TMCC3: variants seen among roughly 807,000 people sequenced by gnomAD.
The protein encoded by TMCC3 is transmembrane and coiled-coil domain protein 3.
Under a neutral mutation model 40.2 loss-of-function variants are expected in TMCC3, and 28 were observed. That is an observed-to-expected ratio of 0.70 (90% confidence interval 0.52 to 0.95). The LOEUF (loss-of-function observed/expected upper bound fraction) is 0.95, where lower values mean the gene tolerates loss of function less well. Ranked by LOEUF, TMCC3 falls within the 40% of genes least tolerant of loss-of-function variation. The pLI, the probability that TMCC3 is intolerant of heterozygous loss-of-function variation, is 0.00. For missense variants in TMCC3, 554 were observed against 615.2 expected, an observed-to-expected ratio of 0.90 and a Z score of 1.05; for synonymous variants, 255 against 248.5, an observed-to-expected ratio of 1.03 and a Z score of -0.25.
In TMCC3 at chr12:94,596,293, T is replaced by C. The variant is rs141939544; in HGVS notation, c.79-13755A>G. 7.7e-4 allele frequency among the ~76,000 whole-genome samples: 118 copies of C among 152,336 alleles called. No homozygotes were observed. In the East Asian group the frequency reaches 0.02, roughly 26 times the overall value. On this transcript the variant is annotated intron_variant, in intron 1 of 3. Coordinates refer to ENST00000261226, the MANE Select transcript of TMCC3 (RefSeq NM_020698.4). ...AAAGGGGGAGGCATCAAATAAGTTA[T>C]GGTGACAGCTAAGAAGACACAGAGC...
At chr12:94,590,579 A>G (rs1256492156) in intron 1 of TMCC3, among the ~76,000 whole-genome samples, 2 of 152,192 alleles carry the variant, frequency 1.3e-5, no homozygotes, top group Non-Finnish European at 2.9e-5. Context: ...AAAGGCAAAC[A>G]GCAGATAAGC....
intron 1 of TMCC3, among the ~76,000 whole-genome samples, chr12:94,635,202 A>C (rs531829457): frequency 2.0e-5 from 3 of 152,362 alleles, no homozygotes; most frequent in African/African-American, 7.2e-5. Context: ...GTGACAAACC[A>C]ACTTAAATTT....
intron 1 of TMCC3, among the ~76,000 whole-genome samples, chr12:94,627,605 G>C (rs968134378): frequency 1.3e-5 from 2 of 152,118 alleles, no homozygotes; most frequent in Non-Finnish European, 2.9e-5. Flanking sequence ...AAACACAACA[G>C]GCACACTGCT....
rs2068502671 is a variant in TMCC3, at chr12:94,567,594, T to C, written c.*3841A>G. 1 of 152,178 alleles carries C rather than the reference T, an allele frequency of 6.6e-6. No individual in the cohort carries two copies. Among genetic ancestry groups the C allele is most frequent in the Non-Finnish European group, 1.5e-5 (1 of 68,026 alleles). 9.4% of individuals were successfully genotyped at this position (152,178 alleles called of 1,614,324 possible). A position where few individuals can be genotyped will look rare whatever the true frequency, so the allele number is the denominator to read the frequency against. On this transcript the variant is annotated 3_prime_UTR_variant, in exon 4 of 4. Transcript: ENST00000261226. ...GCATCTTATCTAGTTTTGATGTGAA[T>C]AAGCCAATTTCATTCTTTGCAGTGA...
At chr12:94,620,088 G>A (rs940678067) in intron 1 of TMCC3, among the ~76,000 whole-genome samples, 11 of 151,814 alleles carry the variant, frequency 7.2e-5, no homozygotes, top group African/African-American at 2.2e-4. Flanking sequence ...GCTTGAACCC[G>A]GAAGGCGGAG....
At chr12:94,596,167 G>T (rs1006671141) in intron 1 of TMCC3, among the ~76,000 whole-genome samples, 4 of 152,118 alleles carry the variant, frequency 2.6e-5, no homozygotes, top group African/African-American at 4.8e-5. Flanking sequence ...CTGATGTTTT[G>T]AGTACATCTA....
chr12:94,650,451 CT>C lies in TMCC3; in HGVS notation c.-22del, dbSNP rs1395283809. 7.9e-7 allele frequency: 1 copy of C among 1,268,306 alleles called. No individual in the cohort carries two copies. 78.6% of individuals were successfully genotyped at this position (1,268,306 alleles called of 1,614,324 possible). ...GGCATCTCCGCGCTCCGGCCGCGAA[CT>C]TTCCCGTCTTCTGGGGCTGCCGCGC... On this transcript the variant is annotated 5_prime_UTR_variant, in exon 1 of 4. Transcript: ENST00000261226.
intron 2 of TMCC3, among the ~76,000 whole-genome samples, chr12:94,580,463 A>T (rs2068593471): frequency 6.6e-6 from 1 of 152,212 alleles, no homozygotes; most frequent in African/African-American, 2.4e-5. Context: ...GGCTGGGTGC[A>T]GTGGTTCATG....
intron 1 of TMCC3, among the ~76,000 whole-genome samples, chr12:94,610,576 C>A (rs1053441604): frequency 4.6e-5 from 7 of 152,136 alleles, no homozygotes; most frequent in African/African-American, 1.4e-4. Context: ...ACCACCACCA[C>A]CAACCACCCC....
At chr12:94,584,916 G>A (rs574580078) in intron 1 of TMCC3, among the ~76,000 whole-genome samples, 7 of 152,126 alleles carry the variant, frequency 4.6e-5, no homozygotes, top group African/African-American at 1.4e-4. Context: ...GTCCTAGAGG[G>A]TCGACCACAG....
chr12:94,576,933 G>A (rs908278701), intron 3 of TMCC3, among the ~76,000 whole-genome samples: 26 of 151,832 alleles, frequency 1.7e-4, no homozygotes, highest in African/African-American at 6.1e-4. Context: ...TTCCAGTCCC[G>A]CCTTCTCTAG....
At chr12:94,592,185 C>T (rs1451979700) in intron 1 of TMCC3, among the ~76,000 whole-genome samples, 1 of 152,158 alleles carries the variant, frequency 6.6e-6, no homozygotes, top group African/African-American at 2.4e-5. Context: ...CATTTCCTTT[C>T]ATAGTTCAGG....
intron 1 of TMCC3, among the ~76,000 whole-genome samples, chr12:94,584,891 T>C (rs910673486): frequency 2.0e-5 from 3 of 151,532 alleles, no homozygotes; most frequent in East Asian, 1.9e-4. Context: ...AAAGAAGGTA[T>C]ACAACAATCT....
intron 1 of TMCC3, among the ~76,000 whole-genome samples, chr12:94,595,361 C>T (rs1444702461): frequency 3.3e-5 from 5 of 152,134 alleles, no homozygotes; most frequent in Non-Finnish European, 5.9e-5. Context: ...CATGAACCTG[C>T]ACTGCGACTT....
At chr12:94,630,600 G>C (rs1360544858) in intron 1 of TMCC3, among the ~76,000 whole-genome samples, 2 of 152,148 alleles carry the variant, frequency 1.3e-5, no homozygotes, top group African/African-American at 2.4e-5. Flanking sequence ...GTGGAGCCTT[G>C]TCATAGTGCT....
Position 94,568,702 on chromosome 12 carries a change from G to A in TMCC3, c.*2733C>T, listed in dbSNP as rs994647162. The stretch of plus-strand genomic sequence containing the variant: ...ACTGCAGAGATTAAAAGTTTCCTTC[G>A]AGTGTATCATCTTATTAAAAAGTAC... On this transcript the variant is annotated 3_prime_UTR_variant, in exon 4 of 4. Coordinates refer to ENST00000261226, the MANE Select transcript of TMCC3 (RefSeq NM_020698.4). 8.5e-5 allele frequency: 13 copies of A among 152,074 alleles called. No individual in the cohort carries two copies. Among genetic ancestry groups the A allele is most frequent in the South Asian group, 2.1e-4 (1 of 4,828 alleles). 9.4% of individuals were successfully genotyped at this position (152,074 alleles called of 1,614,324 possible).
At chr12:94,647,091 T>C (rs964938568) in intron 1 of TMCC3, among the ~76,000 whole-genome samples, 5 of 152,212 alleles carry the variant, frequency 3.3e-5, no homozygotes, top group African/African-American at 1.2e-4. Context: ...AGGCTTTAAC[T>C]ATCTAGGGCA....
At chr12:94,588,686 G>A (rs914872612) in intron 1 of TMCC3, among the ~76,000 whole-genome samples, 17 of 152,176 alleles carry the variant, frequency 1.1e-4, no homozygotes, top group African/African-American at 4.1e-4. Context: ...CAGTATCACT[G>A]ACATTTTTTA....
chr12:94,589,134 G>A (rs1192875224), intron 1 of TMCC3, among the ~76,000 whole-genome samples: 1 of 88,396 alleles, frequency 1.1e-5, no homozygotes, highest in Admixed American at 1.2e-4. Flanking sequence ...GTATGAGGTT[G>A]TTGTTTTTTT....
Sources: gnomAD v4.1 joint callset for allele counts (sites outside exome capture counted in the v4.1 genomes callset) on GRCh38, gnomAD v4.1.1 for gene constraint, MANE v1.5 for transcripts, NCBI Gene and HGNC (gene_info 2026-07-23, HGNC 2026-07-21) for gene names.